PCGF5: variants seen among roughly 807,000 people sequenced by gnomAD.
The protein encoded by PCGF5 is polycomb group RING finger protein 5.
In PCGF5, 9 loss-of-function variants were observed where a neutral mutation model predicts 44.3. The ratio of observed to expected loss-of-function variants is 0.20; its 90% CI spans 0.12 to 0.35. The LOEUF is 0.35. Ranked by LOEUF, PCGF5 falls within the 10% of genes least tolerant of loss-of-function variation. The pLI is 1.00. For synonymous variants in PCGF5, 95 were observed against 102.5 expected (o/e 0.93, Z 0.44); for missense variants, 146 against 305.3 (o/e 0.48, Z 3.89).
chr10:91,266,335 G>T (rs977654659), intron 8 of PCGF5, among the ~76,000 whole-genome samples: 2 of 152,054 alleles, frequency 1.3e-5, no homozygotes, highest in Non-Finnish European at 2.9e-5. Flanking sequence ...TCCCAAAGTT[G>T]CCCCAGCTGC....
At chr10:91,269,084 G>C (rs1419858819) in intron 8 of PCGF5, among the ~76,000 whole-genome samples, 1 of 152,120 alleles carries the variant, frequency 6.6e-6, no homozygotes, top group Non-Finnish European at 1.5e-5. Context: ...TGACTCAGTA[G>C]GTCTGGGAAT....
At chr10:91,213,445 C>T (rs1844487924) in intron 1 of PCGF5, among the ~76,000 whole-genome samples, 1 of 150,898 alleles carries the variant, frequency 6.6e-6, no homozygotes, top group Non-Finnish European at 1.5e-5. Context: ...TGTTCATTAA[C>T]TTCATTATTT....
intron 9 of PCGF5, 69 bp downstream of exon 9, chr10:91,271,766 C>G (rs1564658194): frequency 3.0e-6 from 4 of 1,317,716 alleles, no homozygotes; most frequent in Non-Finnish European, 4.4e-6. Flanking sequence ...TCATCCCAAA[C>G]TCAATTCCTA....
upstream of PCGF5, among the ~76,000 whole-genome samples, chr10:91,215,434 T>G (rs1466429435): frequency 1.3e-5 from 2 of 152,238 alleles, no homozygotes; most frequent in Non-Finnish European, 2.9e-5. Flanking sequence ...CATCAGCAGC[T>G]TAAATTCCCT....
At chr10:91,166,330 A>G (rs1364371577) in intron 1 of PCGF5, among the ~76,000 whole-genome samples, 1 of 152,232 alleles carries the variant, frequency 6.6e-6, no homozygotes, top group Non-Finnish European at 1.5e-5. Context: ...TGCCTGCAAC[A>G]TCTAGGGGCT....
At chr10:91,160,556 A>C (rs1455467763), upstream of PCGF5, among the ~76,000 whole-genome samples, 1 of 152,168 alleles carries the variant, frequency 6.6e-6, no homozygotes, top group Non-Finnish European at 1.5e-5. Flanking sequence ...TTCCATAGGC[A>C]ACTGGTCATC....
At position 91,280,980 on chromosome 10, in the gene PCGF5, TA is replaced by T. The variant is rs1263771230; in HGVS notation, c.*2668del. 6 of 152,480 alleles carry T rather than the reference TA, an allele frequency of 3.9e-5. No individual in the cohort carries two copies. Among genetic ancestry groups the T allele is most frequent in the Non-Finnish European group, 8.8e-5 (6 of 67,886 alleles). The allele number at this position is 152,480 out of a possible 1,614,324, so 9.4% of individuals were successfully genotyped here. ...ATAAACTGAAAGACCTTTACTTCCA[TA>T]AAAGATTTTGTTATCTCTTTTATCT... On this transcript the variant is annotated 3_prime_UTR_variant, in exon 10 of 10. Transcript: ENST00000336126.
intron 7 of PCGF5, 80 bp downstream of exon 7, chr10:91,261,504 A>T: frequency 7.8e-7 from 1 of 1,284,866 alleles, no homozygotes. Context: ...GAAAACTGAG[A>T]ATATATTCAA....
At chr10:91,255,966 TG>T (rs1458159505) in intron 6 of PCGF5, among the ~76,000 whole-genome samples, 3 of 151,770 alleles carry the variant, frequency 2.0e-5, no homozygotes, top group Non-Finnish European at 4.4e-5. Context: ...TGTAAGTAGT[TG>T]TTAATACTAT....
At chr10:91,264,648 C>T in intron 8 of PCGF5, 128 bp downstream of exon 8, 1 of 657,278 alleles carries the variant, frequency 1.5e-6, no homozygotes, top group East Asian at 2.8e-5. Context: ...GTTTTTCTTG[C>T]TACTGTTTCT....
At chr10:91,240,989 A>G (rs1845309257) in intron 3 of PCGF5, among the ~76,000 whole-genome samples, 1 of 150,368 alleles carries the variant, frequency 6.7e-6, no homozygotes, top group Admixed American at 6.7e-5. Flanking sequence ...GTAAAACCTA[A>G]AAGATTTTTT....
At chr10:91,225,105 G>A (rs1402076404) in intron 2 of PCGF5, among the ~76,000 whole-genome samples, 1 of 151,370 alleles carries the variant, frequency 6.6e-6, no homozygotes, top group African/African-American at 2.4e-5. Flanking sequence ...TTGGGTCATA[G>A]TGAAATCCCA....
intron 2 of PCGF5, among the ~76,000 whole-genome samples, chr10:91,238,655 C>T (rs987508399): frequency 2.3e-5 from 2 of 87,368 alleles, no homozygotes; most frequent in African/African-American, 9.5e-5. Flanking sequence ...ATTTCAGAGA[C>T]TTATCTATCA....
At chr10:91,189,612 T>G (rs1192076377) in intron 1 of PCGF5, among the ~76,000 whole-genome samples, 1 of 152,208 alleles carries the variant, frequency 6.6e-6, no homozygotes, top group African/African-American at 2.4e-5. Flanking sequence ...TATACATACA[T>G]ATCTACATGA....
intron 1 of PCGF5, among the ~76,000 whole-genome samples, chr10:91,200,586 G>GTTTGT (rs1343966368): frequency 3.3e-5 from 5 of 152,172 alleles, no homozygotes; most frequent in South Asian, 2.1e-4. Context: ...GGAAGGTGCT[G>GTTTGT]TTTGTTTTGT....
At chr10:91,204,343 A>AC (rs2133239600) in intron 1 of PCGF5, among the ~76,000 whole-genome samples, 1 of 151,368 alleles carries the variant, frequency 6.6e-6, no homozygotes, top group Non-Finnish European at 1.5e-5. Context: ...TTAAAAAAAA[A>AC]CCCTTACATT....
intron 8 of PCGF5, among the ~76,000 whole-genome samples, chr10:91,268,843 T>G (rs1350519063): frequency 6.6e-6 from 1 of 152,140 alleles, no homozygotes; most frequent in Non-Finnish European, 1.5e-5. Flanking sequence ...TTGTCTCCAT[T>G]GTGATGCATT....
chr10:91,187,540 A>C (rs917481489), intron 1 of PCGF5, among the ~76,000 whole-genome samples: 4 of 152,064 alleles, frequency 2.6e-5, no homozygotes. Flanking sequence ...CAAAAACAAA[A>C]ACCCAGCTAT....
intron 1 of PCGF5, among the ~76,000 whole-genome samples, chr10:91,205,421 A>G (rs1844329323): frequency 1.3e-5 from 2 of 152,174 alleles, no homozygotes; most frequent in Non-Finnish European, 2.9e-5. Context: ...AGACCTAGAT[A>G]TTAGTATTTT....
Sources: gnomAD v4.1 joint callset for allele counts (sites outside exome capture counted in the v4.1 genomes callset) on GRCh38, gnomAD v4.1.1 for gene constraint, MANE v1.5 for transcripts, NCBI Gene and HGNC (gene_info 2026-07-23, HGNC 2026-07-21) for gene names.